MTHFD1L: variants seen among roughly 807,000 people sequenced by gnomAD.
The protein encoded by MTHFD1L is methylenetetrahydrofolate dehydrogenase (NADP+ dependent) 1 like.
A neutral mutation model predicts 119.5 loss-of-function variants in MTHFD1L; 81 were observed. The observed-to-expected ratio is 0.68, with a 90% CI of 0.57 to 0.82. MTHFD1L has a LOEUF of 0.82. Ranked by LOEUF, MTHFD1L falls within the 40% of genes least tolerant of loss-of-function variation. The pLI is 0.00. For missense variants in MTHFD1L, 1,125 were observed against 1,253.4 expected (o/e 0.90, Z 1.55); for synonymous variants, 430 against 475.2 (o/e 0.90, Z 1.24).
At chr6:150,924,767 T>C (rs2128904972) in intron 10 of MTHFD1L, among the ~76,000 whole-genome samples, 1 of 152,348 alleles carries the variant, frequency 6.6e-6, no homozygotes, top group Middle Eastern at 3.4e-3. Context: ...CGTGAGCCTC[T>C]GCAGCCTGCC....
rs1791922516 is a variant in MTHFD1L, at chr6:150,935,609, G to T, written c.1257-1195G>T. 3 of 1,353,102 alleles carry T rather than the reference G, an allele frequency of 2.2e-6. No homozygotes were observed. In the Admixed American group the frequency reaches 6.9e-5, roughly 31 times the overall value. 83.8% of individuals were successfully genotyped at this position (1,353,102 alleles called of 1,614,324 possible). ...ATCTGTGTGGAGTAGGTTTTCTCTG[G>T]TCTGATTTTGACAAATAGAAGAGTG... On this transcript the variant is annotated intron_variant, in intron 11 of 27. Transcript: ENST00000367321.
intron 20 of MTHFD1L, among the ~76,000 whole-genome samples, chr6:150,980,184 G>T (rs1245093924): frequency 9.9e-5 from 15 of 152,284 alleles, no homozygotes; most frequent in Admixed American, 7.8e-4. Flanking sequence ...AGAGACTCTG[G>T]CTGAAGGTCA....
chr6:151,062,354 C>T (rs888833638), intron 26 of MTHFD1L, among the ~76,000 whole-genome samples: 1 of 152,100 alleles, frequency 6.6e-6, no homozygotes, highest in Non-Finnish European at 1.5e-5. Context: ...AGGAGAATGG[C>T]GTGAATCCGG....
chr6:150,945,553 G>GT lies in MTHFD1L; in HGVS notation c.1623+14dup. The GT allele has an allele frequency of 6.2e-7, 1 of 1,610,014 alleles. No individual in the cohort carries two copies. The highest frequency in any genetic ancestry group is 1.7e-4 in the Middle Eastern group (1 of 6,044). On this transcript the variant is annotated intron_variant, in intron 15 of 27. Transcript: ENST00000367321. ...TTGCTCGGCTAAAAGTAAGTTTCCAGTTAGCAATTCTTTAAAAAGAAAATA... is the reference window on the plus strand; with the variant it reads ...TTGCTCGGCTAAAAGTAAGTTTCCAGTTTAGCAATTCTTTAAAAAGAAAATA...
chr6:150,977,279 T>C (rs9478158), intron 20 of MTHFD1L, among the ~76,000 whole-genome samples: 68,298 of 152,128 alleles, frequency 0.45, 17,595 homozygotes, highest in African/African-American at 0.67. Context: ...ACAAAAAGCA[T>C]ACACAAGGAA....
chr6:151,015,691 C>A lies in MTHFD1L; in HGVS notation c.2584C>A (p.Gln862Lys). 6.2e-7 allele frequency: 1 copy of A among 1,612,912 alleles called. No homozygotes were observed. The highest frequency in any genetic ancestry group is 1.1e-5 in the South Asian group (1 of 90,898). ...CCGATTCCAGTTCCTGTATGATGTT[C>A]AGGTAAGATCTAGTAAAAACAATGG... ...RSRFQFLYDV[Q>K]VPIVDKIRTI... The change falls in exon 24 of 28, where the codon CAG (glutamine) becomes AAG (lysine). Residue 862 changes from glutamine to lysine, a missense_variant and splice_region_variant. By Grantham distance (53) the Gln-to-Lys change is moderately conservative. Transcript: ENST00000367321.
chr6:150,970,774 A>G (rs1797899617), intron 19 of MTHFD1L, among the ~76,000 whole-genome samples: 1 of 152,184 alleles, frequency 6.6e-6, no homozygotes, highest in Non-Finnish European at 1.5e-5. Context: ...TGTATCTTAT[A>G]GCTATATCCA....
intron 26 of MTHFD1L, among the ~76,000 whole-genome samples, chr6:151,070,406 T>A (rs537437505): frequency 6.6e-6 from 1 of 152,352 alleles, no homozygotes; most frequent in South Asian, 2.1e-4. Flanking sequence ...GCTTCTCTCT[T>A]TCAGTTGCCA....
chr6:150,925,998 A>T, intron 10 of MTHFD1L, 124 bp from the exon 11 acceptor site: 1 of 750,252 alleles, frequency 1.3e-6, no homozygotes. Context: ...ACTGCCTGGG[A>T]GAAAGGACCC....
chr6:151,066,539 G>A (rs1791291253), intron 26 of MTHFD1L, among the ~76,000 whole-genome samples: 1 of 151,622 alleles, frequency 6.6e-6, no homozygotes, highest in Non-Finnish European at 1.5e-5. Flanking sequence ...GCCGAGGCGG[G>A]TGGATCACGA....
At chr6:151,096,047 C>T (rs1794872047) in intron 27 of MTHFD1L, among the ~76,000 whole-genome samples, 1 of 152,226 alleles carries the variant, frequency 6.6e-6, no homozygotes, top group African/African-American at 2.4e-5. Flanking sequence ...TTACCCCAAC[C>T]TTTATGCCCC....
At chr6:151,078,348 A>G (rs1792792073) in intron 26 of MTHFD1L, among the ~76,000 whole-genome samples, 1 of 152,172 alleles carries the variant, frequency 6.6e-6, no homozygotes, top group African/African-American at 2.4e-5. Flanking sequence ...AGGATGAGGT[A>G]GGAGAATTGC....
rs1320865140 is a variant in MTHFD1L, at chr6:151,039,924, A to G, written c.2847+2807A>G. Among the ~76,000 whole-genome samples, 4 of 120,274 alleles carry G rather than the reference A, an allele frequency of 3.3e-5. No homozygotes were observed. The highest frequency in any genetic ancestry group is 5.3e-5 in the Non-Finnish European group (3 of 56,876). 78.9% of individuals were successfully genotyped at this position (120,274 alleles called of 152,430 possible). Reference sequence around the variant, plus strand: ...AGCAAGACTTCATCTCTAAATACATACATACATACATACATACATACATGC... The same window carrying G: ...AGCAAGACTTCATCTCTAAATACATGCATACATACATACATACATACATGC... On this transcript the variant is annotated intron_variant, in intron 26 of 27. Transcript: ENST00000367321. The surrounding 1 kb of genome is among the most constrained non-coding windows in gnomAD (Gnocchi z 4.4).
intron 11 of MTHFD1L, among the ~76,000 whole-genome samples, chr6:150,927,111 T>C (rs1271381270): frequency 6.6e-6 from 1 of 152,182 alleles, no homozygotes; most frequent in Non-Finnish European, 1.5e-5. Flanking sequence ...GTAACTTTGT[T>C]TTTACGTATT....
At chr6:151,063,276 A>C (rs1790857362) in intron 26 of MTHFD1L, among the ~76,000 whole-genome samples, 1 of 152,220 alleles carries the variant, frequency 6.6e-6, no homozygotes, top group Admixed American at 6.5e-5. Flanking sequence ...GTAGGTGTCA[A>C]GTAAAACTTA....
chr6:150,951,957 CTGCTT>C (rs1400651482), intron 16 of MTHFD1L, among the ~76,000 whole-genome samples: 1 of 152,140 alleles, frequency 6.6e-6, no homozygotes, highest in East Asian at 1.9e-4. Context: ...TCTTTGGTGT[CTGCTT>C]TGGGGTTCCA....
chr6:151,068,415 A>G (rs2128613806), intron 26 of MTHFD1L, among the ~76,000 whole-genome samples: 1 of 152,354 alleles, frequency 6.6e-6, no homozygotes, highest in African/African-American at 2.4e-5. Flanking sequence ...GGACATAGTT[A>G]ATAACGCTGC....
chr6:151,090,464 A>G (rs1389092628), intron 26 of MTHFD1L, among the ~76,000 whole-genome samples: 1 of 152,184 alleles, frequency 6.6e-6, no homozygotes, highest in Non-Finnish European at 1.5e-5. Flanking sequence ...AATTCCGAAT[A>G]TCTAACAGGC....
chr6:150,994,875 G>A (rs1643637812), intron 20 of MTHFD1L, among the ~76,000 whole-genome samples: 1 of 152,192 alleles, frequency 6.6e-6, no homozygotes, highest in African/African-American at 2.4e-5. Flanking sequence ...TGATATCTTT[G>A]TTGGGGAGAG....
Sources: allele counts gnomAD v4.1 joint callset (sites outside exome capture counted in the v4.1 genomes callset), GRCh38; gene constraint gnomAD v4.1.1; non-coding constraint Gnocchi (gnomAD v3.1); transcripts MANE v1.5; gene names NCBI Gene and HGNC (gene_info 2026-07-23, HGNC 2026-07-21).